SH2D4B: variants seen among roughly 807,000 people sequenced by gnomAD.
SH2D4B encodes SH2 domain-containing protein 4B.
A neutral mutation model predicts 61.5 loss-of-function variants in SH2D4B; 45 were observed. The observed-to-expected ratio is 0.73, with a 90% CI of 0.58 to 0.94. SH2D4B has a LOEUF of 0.94. Among genes scored for constraint, SH2D4B ranks in the 40% least tolerant of loss-of-function variants. The pLI is 0.00. For synonymous variants in SH2D4B, 224 were observed against 220.4 expected, an observed-to-expected ratio of 1.02 and a Z score of -0.14; for missense variants, 572 against 574.2, an observed-to-expected ratio of 1.00 and a Z score of 0.04.
intron 6 of SH2D4B, among the ~76,000 whole-genome samples, chr10:80,619,891 A>C (rs140028788): frequency 6.6e-6 from 1 of 152,338 alleles, no homozygotes; most frequent in Non-Finnish European, 1.5e-5. Flanking sequence ...GTCTGGGCAC[A>C]CTTCCGTTTT....
chr10:80,622,269 G>A (rs1589360845), intron 6 of SH2D4B, among the ~76,000 whole-genome samples: 1 of 152,186 alleles, frequency 6.6e-6, no homozygotes, highest in Non-Finnish European at 1.5e-5. Context: ...CTGTTGAAAG[G>A]GTTCTTATGT....
intron 5 of SH2D4B, among the ~76,000 whole-genome samples, chr10:80,608,314 C>T (rs1318682971): frequency 3.3e-5 from 5 of 151,922 alleles, no homozygotes; most frequent in Non-Finnish European, 7.4e-5. Flanking sequence ...AGGAGGGGCA[C>T]GGGAAGAGTT....
intron 3 of SH2D4B, among the ~76,000 whole-genome samples, chr10:80,572,982 A>ATGTG (rs1247462135): frequency 3.2e-3 from 30 of 9,256 alleles, no homozygotes; most frequent in Non-Finnish European, 4.7e-3. Context: ...ATATATATAT[A>ATGTG]TATATTTTTT....
rs768227231 is a variant in SH2D4B, at chr10:80,570,206, G to A, written c.237G>A (p.Trp79Ter). The change falls in exon 2 of 8, where the codon TGG becomes TGA. Residue 79 changes from tryptophan to a stop codon, truncating the protein, a stop_gained. Transcript: ENST00000646907. LOFTEE classifies it high-confidence loss of function. ...TCCTAGGGGCAGATGGCGAGGTCTG[G>A]GTCTGGATCATGGGAGAAGGCCCTG... ...QWLLGADGEVWVWIMGEGPGD... is the reference protein window; with the variant it reads ...QWLLGADGEV The A allele has an allele frequency of 1.9e-6, 3 of 1,614,174 alleles. No homozygotes were observed. The highest frequency in any genetic ancestry group is 1.1e-5 in the South Asian group (1 of 91,082).
At chr10:80,541,407 C>T (rs940175172) in intron 1 of SH2D4B, among the ~76,000 whole-genome samples, 3 of 152,186 alleles carry the variant, frequency 2.0e-5, no homozygotes, top group Admixed American at 1.3e-4. Context: ...TGACAGGCAT[C>T]CTCTTTCCTG....
chr10:80,607,144 C>T (rs996559038), intron 5 of SH2D4B, among the ~76,000 whole-genome samples: 10 of 152,226 alleles, frequency 6.6e-5, no homozygotes, highest in African/African-American at 9.6e-5. Context: ...TGCTTAGAAA[C>T]GAATTCAAAT....
chr10:80,588,374 C>T (rs59038521), intron 3 of SH2D4B, among the ~76,000 whole-genome samples: 21,151 of 152,024 alleles, frequency 0.14, 1,983 homozygotes, highest in African/African-American at 0.26. Context: ...GGATCCTTTC[C>T]TGAGGAAGCA....
At position 80,570,195 on chromosome 10, in the gene SH2D4B, G is replaced by T. The variant is rs1384431105; in HGVS notation, c.226G>T (p.Gly76Cys). 1 of 1,614,178 alleles carries T rather than the reference G, an allele frequency of 6.2e-7. No individual in the cohort carries two copies. Among genetic ancestry groups the T allele is most frequent in the Non-Finnish European group, 8.5e-7 (1 of 1,180,034 alleles). The stretch of plus-strand genomic sequence containing the variant: ...CATCCAATGGCTCCTAGGGGCAGAT[G>T]GCGAGGTCTGGGTCTGGATCATGGG... The part of the protein sequence containing the change: ...KHIQWLLGAD[G>C]EVWVWIMGEG... Residue 76 changes from glycine to cysteine, a missense_variant, in exon 2 of 8, where the codon GGC becomes TGC. Physicochemically the swap from Gly to Cys is radical, Grantham distance 159. Transcript: ENST00000646907.
chr10:80,549,202 ATTGTGTGTGTGTGTGTGTGTG>A (rs1246747640), intron 1 of SH2D4B, among the ~76,000 whole-genome samples: 37 of 80,590 alleles, frequency 4.6e-4, no homozygotes, highest in East Asian at 8.5e-4. Context: ...ATGGGACTTG[ATTGTGTGTGTGTGTGTGTGTG>A]TGTGTGTGTG....
chr10:80,581,505 G>T (rs1270781804), intron 3 of SH2D4B, among the ~76,000 whole-genome samples: 1 of 152,020 alleles, frequency 6.6e-6, no homozygotes, highest in Non-Finnish European at 1.5e-5. Context: ...GAGTGGGTTA[G>T]ACCCTACTCC....
Position 80,645,840 on chromosome 10 carries a change from C to G in SH2D4B, c.*1755C>G, listed in dbSNP as rs1589369275. 1.3e-5 allele frequency: 2 copies of G among 152,130 alleles called. No homozygotes were observed. Among genetic ancestry groups the G allele is most frequent in the Non-Finnish European group, 2.9e-5 (2 of 68,034 alleles). 9.4% of individuals were successfully genotyped at this position (152,130 alleles called of 1,614,324 possible). A position where few individuals can be genotyped will look rare whatever the true frequency, so the allele number is the denominator to read the frequency against. On this transcript the variant is annotated 3_prime_UTR_variant, in exon 8 of 8. Transcript: ENST00000646907. ...CAACTCACTCAGCTCCATGGCTTCC[C>G]CCGGTCTACCTGTCTCACTACATGC...
At chr10:80,628,237 C>T (rs115528903) in intron 6 of SH2D4B, among the ~76,000 whole-genome samples, 2,690 of 152,192 alleles carry the variant, frequency 0.018, 69 homozygotes, top group African/African-American at 0.061. Context: ...TCTTGAATTC[C>T]CACGTGTTCG....
At chr10:80,580,366 C>T (rs996972199) in intron 3 of SH2D4B, among the ~76,000 whole-genome samples, 4 of 152,080 alleles carry the variant, frequency 2.6e-5, no homozygotes, top group Admixed American at 6.5e-5. Context: ...AAGCAGAGGG[C>T]GTGAAGGCCC....
intron 4 of SH2D4B, among the ~76,000 whole-genome samples, chr10:80,602,701 G>T (rs1302237028): frequency 6.6e-6 from 1 of 152,182 alleles, no homozygotes; most frequent in East Asian, 1.9e-4. Context: ...ACAGTTTCTG[G>T]CCTGGTCCAT....
At chr10:80,608,832 C>T (rs897823570) in intron 5 of SH2D4B, among the ~76,000 whole-genome samples, 1 of 152,164 alleles carries the variant, frequency 6.6e-6, no homozygotes. Context: ...AATTGAGGTT[C>T]TCCAGCTTCT....
intron 7 of SH2D4B, among the ~76,000 whole-genome samples, chr10:80,636,198 T>C (rs1840162436): frequency 6.6e-6 from 1 of 152,222 alleles, no homozygotes; most frequent in Non-Finnish European, 1.5e-5. Flanking sequence ...AGTCTATCAT[T>C]GATGGACATT....
rs1842800816 is a variant in SH2D4B, at chr10:80,629,077, T to C, written c.989-5208T>C. Among the ~76,000 whole-genome samples the C allele has an allele frequency of 1.3e-5, 2 of 151,152 alleles. 1 individual carries two copies. The highest frequency in any genetic ancestry group is 1.3e-4 in the Admixed American group (2 of 15,206). On this transcript the variant is annotated intron_variant, in intron 6 of 7. Coordinates refer to ENST00000646907, the MANE Select transcript of SH2D4B (RefSeq NM_001388272.1). ...AAGAAATACCCAAGACTGGGTAACTTACTAATATATAGAAAAGAGGTTTAA... is the reference window on the plus strand; with the variant it reads ...AAGAAATACCCAAGACTGGGTAACTCACTAATATATAGAAAAGAGGTTTAA...
At chr10:80,583,631 C>T (rs991144855) in intron 3 of SH2D4B, among the ~76,000 whole-genome samples, 8 of 152,008 alleles carry the variant, frequency 5.3e-5, no homozygotes. Context: ...AATCGTGCCA[C>T]TGTACTCCAG....
At chr10:80,597,030 A>G (rs1361954299) in intron 4 of SH2D4B, among the ~76,000 whole-genome samples, 1 of 152,262 alleles carries the variant, frequency 6.6e-6, no homozygotes, top group Non-Finnish European at 1.5e-5. Flanking sequence ...AACTATTTAC[A>G]TAGCATTCAT....
Sources: gnomAD v4.1 joint callset for allele counts (sites outside exome capture counted in the v4.1 genomes callset) on GRCh38, gnomAD v4.1.1 for gene constraint, MANE v1.5 for transcripts, NCBI Gene and HGNC (gene_info 2026-07-23, HGNC 2026-07-21) for gene names.